The following OSBPL10 variants were observed in gnomAD, a reference collection of about 807,000 sequenced individuals.
OSBPL10 encodes oxysterol-binding protein-related protein 10.
OSBPL10 carries 49 observed loss-of-function variants against 81.7 expected under a neutral mutation model. The observed-to-expected ratio is 0.60, with a 90% CI of 0.48 to 0.76. The LOEUF is 0.76. Ranked by LOEUF, OSBPL10 falls within the 30% of genes least tolerant of loss-of-function variation. The pLI, the probability that OSBPL10 is intolerant of heterozygous loss-of-function variation, is 0.00. For synonymous variants in OSBPL10, 419 were observed against 383.6 expected, an observed-to-expected ratio of 1.09 and a Z score of -1.08; for missense variants, 923 against 987.8, an observed-to-expected ratio of 0.93 and a Z score of 0.88.
chr3:31,969,224 C>A (rs113902516), intron 1 of OSBPL10, among the ~76,000 whole-genome samples: 56 of 152,312 alleles, frequency 3.7e-4, no homozygotes, highest in Non-Finnish European at 6.5e-4. Flanking sequence ...GAGGCCTCTG[C>A]ATAAATCAAG....
In OSBPL10 at chr3:31,928,874, G is replaced by A. The variant is rs537588198; in HGVS notation, c.282-49044C>T. On this transcript the variant is annotated intron_variant, in intron 1 of 11. Coordinates refer to ENST00000396556, the MANE Select transcript of OSBPL10 (RefSeq NM_017784.5). Reference sequence around the variant, plus strand: ...CAAAAGGTGTTGACAGGGAAAGACAGAAATATAAAAATCACAATCCAAAGT... The same window carrying A: ...CAAAAGGTGTTGACAGGGAAAGACAAAAATATAAAAATCACAATCCAAAGT... Among the ~76,000 whole-genome samples the A allele has an allele frequency of 2.6e-5, 4 of 151,780 alleles. No homozygotes were observed. The South Asian group carries it at 6.2e-4, about 24-fold the overall frequency.
intron 3 of OSBPL10, among the ~76,000 whole-genome samples, chr3:31,837,852 A>T (rs1011157587): frequency 6.6e-6 from 1 of 151,682 alleles, no homozygotes; most frequent in African/African-American, 2.4e-5. Context: ...AAAAAAAAAA[A>T]TTTAATCCAT....
chr3:31,707,754 T>C (rs1264539721), intron 6 of OSBPL10, among the ~76,000 whole-genome samples: 1 of 152,170 alleles, frequency 6.6e-6, no homozygotes, highest in Non-Finnish European at 1.5e-5. Flanking sequence ...TGATGTCCCC[T>C]CATAGACAAA....
At chr3:31,837,324 TATATATATATATATATA>T (rs1700379910) in intron 3 of OSBPL10, among the ~76,000 whole-genome samples, 2 of 3,344 alleles carry the variant, frequency 6.0e-4, no homozygotes, top group African/African-American at 3.7e-3. Flanking sequence ...CCCCAAATTA[TATATATATATATATATA>T]TATATATATA....
intron 2 of OSBPL10, among the ~76,000 whole-genome samples, chr3:31,998,978 A>C (rs1699118127): frequency 1.3e-5 from 2 of 152,256 alleles, no homozygotes; most frequent in African/African-American, 4.8e-5. Flanking sequence ...ATTCATAAGA[A>C]AACACAAGGT....
intron 1 of OSBPL10, among the ~76,000 whole-genome samples, chr3:31,911,578 A>G (rs550094970): frequency 6.6e-6 from 1 of 152,226 alleles, no homozygotes; most frequent in South Asian, 2.1e-4. Context: ...GGCCACACAT[A>G]AAATATACTA....
At chr3:31,691,212 G>C (rs2879812) in intron 7 of OSBPL10, among the ~76,000 whole-genome samples, 119,677 of 152,132 alleles carry the variant, frequency 0.79, 50,151 homozygotes, top group East Asian at 0.92. Flanking sequence ...TAGGGACTCA[G>C]AGAACAATTA....
chr3:31,927,131 A>C (rs113909272), intron 1 of OSBPL10, among the ~76,000 whole-genome samples: 4 of 152,182 alleles, frequency 2.6e-5, no homozygotes, highest in South Asian at 2.1e-4. Context: ...ACAACAACAA[A>C]AAGTCAAAGG....
At chr3:32,047,449 T>A (rs144813099) in intron 1 of OSBPL10, among the ~76,000 whole-genome samples, 1 of 152,306 alleles carries the variant, frequency 6.6e-6, no homozygotes, top group East Asian at 1.9e-4. Context: ...TTCCTGGAAC[T>A]GAGGGGTTCT....
At chr3:31,798,089 C>A (rs995339050) in intron 4 of OSBPL10, among the ~76,000 whole-genome samples, 8 of 152,116 alleles carry the variant, frequency 5.3e-5, no homozygotes, top group African/African-American at 1.7e-4. Flanking sequence ...AGCTACTGGG[C>A]ACATTTAACA....
intron 8 of OSBPL10, among the ~76,000 whole-genome samples, chr3:31,681,806 C>A (rs1444597493): frequency 6.6e-6 from 1 of 152,098 alleles, no homozygotes. Context: ...AGTCTCAAGG[C>A]CTTAAATATT....
At position 31,833,695 on chromosome 3, in the gene OSBPL10, A is replaced by G. The variant is rs1450030567; in HGVS notation, c.538-3464T>C. Among the ~76,000 whole-genome samples the G allele has an allele frequency of 3.1e-4, 39 of 125,970 alleles. No homozygotes were observed. In the East Asian group the frequency reaches 3.1e-3, roughly 10 times the overall value. 82.6% of individuals were successfully genotyped at this position (125,970 alleles called of 152,430 possible). Reference sequence around the variant, plus strand: ...TATCAAGATTGTAGGGAAAACACGCACACGCACACGCACACACACACACAC... The same window carrying G: ...TATCAAGATTGTAGGGAAAACACGCGCACGCACACGCACACACACACACAC... On this transcript the variant is annotated intron_variant, in intron 3 of 11. Coordinates refer to ENST00000396556, the MANE Select transcript of OSBPL10 (RefSeq NM_017784.5).
At chr3:31,861,942 C>T (rs1339479396) in intron 3 of OSBPL10, among the ~76,000 whole-genome samples, 1 of 152,034 alleles carries the variant, frequency 6.6e-6, no homozygotes. Flanking sequence ...CTTACAGCCT[C>T]GCAATGGGGT....
rs190531320 is a variant in OSBPL10, at chr3:32,002,427, G to T, written n.298+44064C>A. On this transcript the variant is annotated intron_variant and non_coding_transcript_variant, in intron 2 of 3. Coordinates refer to the OSBPL10 transcript ENST00000479173. ...ATGGAATTTAAGTGAAATGTATTTT[G>T]ACAGACTCAAAGCAAGATAGGTCTA... 3.3e-5 allele frequency among the ~76,000 whole-genome samples: 5 copies of T among 152,302 alleles called. No individual in the cohort carries two copies. In the East Asian group the frequency reaches 9.6e-4, roughly 29 times the overall value.
At chr3:31,898,022 AAAAAAAAAAAAAAAAC>A (rs60789643) in intron 1 of OSBPL10, among the ~76,000 whole-genome samples, 15,720 of 145,512 alleles carry the variant, frequency 0.11, 1,461 homozygotes, top group African/African-American at 0.25. Context: ...AAAAAAAAAA[AAAAAAAAAAAAAAAAC>A]AGAAGAAGAA....
chr3:31,926,876 G>C (rs534204950), intron 1 of OSBPL10, among the ~76,000 whole-genome samples: 1 of 152,198 alleles, frequency 6.6e-6, no homozygotes, highest in South Asian at 2.1e-4. Flanking sequence ...TTGAGAGGCT[G>C]AGGCAGGTGG....
intron 1 of OSBPL10, among the ~76,000 whole-genome samples, chr3:31,971,690 T>C (rs1419907546): frequency 1.3e-5 from 2 of 152,174 alleles, no homozygotes; most frequent in Admixed American, 1.3e-4. Flanking sequence ...GCATAAGAAA[T>C]CTAAGTGTAA....
chr3:31,911,604 G>A (rs529115788), intron 1 of OSBPL10, among the ~76,000 whole-genome samples: 1 of 150,492 alleles, frequency 6.6e-6, no homozygotes, highest in Non-Finnish European at 1.5e-5. Context: ...AACAATAGCT[G>A]ATGGACTTTA....
chr3:32,050,708 C>G (rs1699663236), intron 1 of OSBPL10, among the ~76,000 whole-genome samples: 1 of 148,046 alleles, frequency 6.8e-6, no homozygotes, highest in South Asian at 2.1e-4. Context: ...GTTGCCCAGG[C>G]TGGAGTACAA....
Sources: allele counts gnomAD v4.1 joint callset (sites outside exome capture counted in the v4.1 genomes callset), GRCh38; gene constraint gnomAD v4.1.1; transcripts MANE v1.5; gene names NCBI Gene and HGNC (gene_info 2026-07-23, HGNC 2026-07-21).